Variants in FMN2 observed in about 807,000 individuals in gnomAD.
FMN2 encodes formin-2.
FMN2 carries 51 observed loss-of-function variants against 142.3 expected under a neutral mutation model. The ratio of observed to expected loss-of-function variants is 0.36; its 90% CI spans 0.29 to 0.45. The LOEUF (loss-of-function observed/expected upper bound fraction) is 0.45, where lower values mean the gene tolerates loss of function less well. Among genes scored for constraint, FMN2 ranks in the 20% least tolerant of loss-of-function variants. The pLI is 1.00. For synonymous variants in FMN2, 882 were observed against 869.8 expected (o/e 1.01, Z -0.25); for missense variants, 1,936 against 2,122.8 (o/e 0.91, Z 1.73).
chr1:240,152,432 C>T (rs1317766204), intron 2 of FMN2, among the ~76,000 whole-genome samples: 1 of 152,148 alleles, frequency 6.6e-6, no homozygotes, highest in Non-Finnish European at 1.5e-5. Flanking sequence ...GGATCTTCTG[C>T]TCTCATAGAG....
rs945527732 is a variant in FMN2, at chr1:240,429,189, C to G, written c.4911-8872C>G. Reference sequence around the variant, plus strand: ...AAAATTTTGAGTTTTGTTTTCATAGCCTTTATCATTTTATTAATATCTTTT... The same window carrying G: ...AAAATTTTGAGTTTTGTTTTCATAGGCTTTATCATTTTATTAATATCTTTT... On this transcript the variant is annotated intron_variant, in intron 15 of 17. Transcript: ENST00000319653. Among the ~76,000 whole-genome samples the G allele has an allele frequency of 4.6e-5, 7 of 152,148 alleles. No individual in the cohort carries two copies. The East Asian group carries it at 1.3e-3, about 29-fold the overall frequency.
intron 16 of FMN2, chr1:240,457,391 A>T (rs539580453): frequency 1.3e-5 from 2 of 152,302 alleles, no homozygotes; most frequent in East Asian, 3.9e-4. Context: ...TTCACTACGA[A>T]TGTATGACTT....
intron 2 of FMN2, among the ~76,000 whole-genome samples, chr1:240,140,662 G>C (rs1317799889): frequency 6.6e-6 from 1 of 151,804 alleles, no homozygotes; most frequent in Non-Finnish European, 1.5e-5. Flanking sequence ...GTTAAATTCT[G>C]TGGGGGGTGG....
At chr1:240,343,837 ACAGG>A (rs1190401839) in intron 13 of FMN2, among the ~76,000 whole-genome samples, 6 of 152,274 alleles carry the variant, frequency 3.9e-5, no homozygotes, top group African/African-American at 9.6e-5. Context: ...TCTCACATAG[ACAGG>A]CAGGAAGATT....
Position 240,092,715 on chromosome 1 carries a change from G to C in FMN2, c.606G>C (p.Ala202=), listed in dbSNP as rs778426244. 2 of 1,613,590 alleles carry C rather than the reference G, an allele frequency of 1.2e-6. No homozygotes were observed. Among genetic ancestry groups the C allele is most frequent in the South Asian group, 2.2e-5 (2 of 91,080 alleles). Reference sequence around the variant, plus strand: ...ATTTGCTTTCAGACATCCAGCAGGCGATCCGCCTGCAGCAGCAGCAGCAGC... The same window carrying C: ...ATTTGCTTTCAGACATCCAGCAGGCCATCCGCCTGCAGCAGCAGCAGCAGC... ...QEDLLSDIQQ[A]IRLQQQQQQQ... Residue 202 remains alanine, a synonymous_variant, in exon 1 of 18, where the codon GCG becomes GCC. Transcript: ENST00000319653.
chr1:240,295,404 T>C (rs1669939298), intron 8 of FMN2, among the ~76,000 whole-genome samples: 1 of 152,216 alleles, frequency 6.6e-6, no homozygotes, highest in Admixed American at 6.5e-5. Flanking sequence ...ATTCATCTTA[T>C]AACTGAAAGT....
intron 2 of FMN2, among the ~76,000 whole-genome samples, chr1:240,158,174 T>G (rs956676777): frequency 6.6e-6 from 1 of 152,032 alleles, no homozygotes; most frequent in African/African-American, 2.4e-5. Context: ...AAATATTTAA[T>G]CCAGCCGGAA....
chr1:240,328,147 C>CAAAAAAAAAAGAA (rs1158564294), intron 8 of FMN2, among the ~76,000 whole-genome samples: 1 of 51,454 alleles, frequency 1.9e-5, no homozygotes, highest in African/African-American at 7.5e-5. Flanking sequence ...GACCCCATCT[C>CAAAAAAAAAAGAA]AAAAAAAAAA....
chr1:240,380,094 A>G (rs938859605), intron 14 of FMN2, among the ~76,000 whole-genome samples: 1 of 152,192 alleles, frequency 6.6e-6, no homozygotes, highest in Non-Finnish European at 1.5e-5. Context: ...CAGAAAATCA[A>G]CAAAGGAACT....
intron 8 of FMN2, among the ~76,000 whole-genome samples, chr1:240,325,424 A>G (rs545046138): frequency 7.2e-5 from 11 of 151,916 alleles, no homozygotes; most frequent in Non-Finnish European, 1.0e-4. Flanking sequence ...TTAAAAAAAG[A>G]GTGTATACTT....
intron 1 of FMN2, among the ~76,000 whole-genome samples, chr1:240,119,162 T>C (rs1253562562): frequency 6.6e-6 from 1 of 151,986 alleles, no homozygotes; most frequent in Non-Finnish European, 1.5e-5. Flanking sequence ...ATCTCCTCTC[T>C]ACTAAAGATA....
chr1:240,303,995 C>A (rs1670291449), intron 8 of FMN2, among the ~76,000 whole-genome samples: 1 of 152,000 alleles, frequency 6.6e-6, no homozygotes, highest in Non-Finnish European at 1.5e-5. Context: ...CAGTTCTTTT[C>A]AGTTATTGTA....
intron 6 of FMN2, chr1:240,245,306 G>C (rs767889027): frequency 1.1e-5 from 4 of 356,668 alleles, no homozygotes; most frequent in South Asian, 8.4e-5. Flanking sequence ...ATGCTGGGCT[G>C]AGAGCAGGAC....
Position 240,217,626 on chromosome 1 carries a change from T to A in FMN2, c.4065+6391T>A, listed in dbSNP as rs150381346. 3.1e-3 allele frequency among the ~76,000 whole-genome samples: 474 copies of A among 152,238 alleles called. 2 individuals are homozygous for A. The highest frequency in any genetic ancestry group is 5.1e-3 in the Non-Finnish European group (350 of 68,016). ...TATAATTAGACAAGCATAGGTTTTG[T>A]GGAATCTGGATTTGTTTAAGATGTT... On this transcript the variant is annotated intron_variant, in intron 6 of 17. Coordinates refer to ENST00000319653, the MANE Select transcript of FMN2 (RefSeq NM_020066.5).
At chr1:240,392,591 A>G in intron 15 of FMN2, 29 bp downstream of exon 15, 1 of 1,578,066 alleles carries the variant, frequency 6.3e-7, no homozygotes, top group Non-Finnish European at 8.7e-7. Context: ...TCCTCCCAGA[A>G]TAGCGTTATA....
chr1:240,138,989 C>T (rs1663068442), intron 2 of FMN2, among the ~76,000 whole-genome samples: 2 of 152,170 alleles, frequency 1.3e-5, no homozygotes, highest in African/African-American at 2.4e-5. Flanking sequence ...TCAGAATCCC[C>T]CGAAGGGCTT....
At chr1:240,200,814 T>G (rs1666094741) in intron 4 of FMN2, among the ~76,000 whole-genome samples, 1 of 152,180 alleles carries the variant, frequency 6.6e-6, no homozygotes, top group Non-Finnish European at 1.5e-5. Context: ...CCATGTTCTC[T>G]TCTATCAAAA....
intron 6 of FMN2, among the ~76,000 whole-genome samples, chr1:240,235,055 C>T (rs1370335018): frequency 6.6e-6 from 1 of 152,128 alleles, no homozygotes; most frequent in Non-Finnish European, 1.5e-5. Context: ...TTCAAAGAAT[C>T]TATAACACAT....
chr1:240,360,865 G>C (rs371500364), intron 14 of FMN2, among the ~76,000 whole-genome samples: 15 of 151,516 alleles, frequency 9.9e-5, no homozygotes, highest in Admixed American at 2.0e-4. Flanking sequence ...GCAAACTATC[G>C]CAAGGACAAA....
Sources: gnomAD v4.1 joint callset for allele counts (sites outside exome capture counted in the v4.1 genomes callset) on GRCh38, gnomAD v4.1.1 for gene constraint, MANE v1.5 for transcripts, NCBI Gene and HGNC (gene_info 2026-07-23, HGNC 2026-07-21) for gene names.